KCNMA1: variants seen among roughly 807,000 people sequenced by gnomAD.
KCNMA1 encodes the protein potassium calcium-activated channel subfamily M alpha 1.
KCNMA1 carries 29 observed loss-of-function variants against 140.0 expected under a neutral mutation model. That is an observed-to-expected ratio of 0.21 (90% CI 0.15 to 0.28). The LOEUF is 0.28. Ranked by LOEUF, KCNMA1 falls within the 10% of genes least tolerant of loss-of-function variation. KCNMA1 has a pLI of 1.00. For synonymous variants in KCNMA1, 612 were observed against 611.9 expected (o/e 1.00, Z 0.00); for missense variants, 880 against 1,602.2 (o/e 0.55, Z 7.70).
intron 1 of KCNMA1, among the ~76,000 whole-genome samples, chr10:77,501,288 T>C (rs544056944): frequency 1.1e-4 from 16 of 152,310 alleles, no homozygotes; most frequent in African/African-American, 3.6e-4. Context: ...TGAGCACTCA[T>C]TGATGGCTTG....
intron 1 of KCNMA1, among the ~76,000 whole-genome samples, chr10:77,533,730 C>T (rs2154553419): frequency 6.6e-6 from 1 of 152,290 alleles, no homozygotes; most frequent in Admixed American, 6.5e-5. Flanking sequence ...ATGAACTCCC[C>T]CTGCTTAGGC....
At chr10:77,599,563 A>G (rs924264931) in intron 1 of KCNMA1, among the ~76,000 whole-genome samples, 3 of 152,164 alleles carry the variant, frequency 2.0e-5, no homozygotes, top group South Asian at 2.1e-4. Flanking sequence ...TCTCATGTCT[A>G]TCTATCAGGA....
At chr10:76,923,321 C>T (rs4979877) in intron 23 of KCNMA1, among the ~76,000 whole-genome samples, 5,897 of 151,408 alleles carry the variant, frequency 0.039, 187 homozygotes, top group African/African-American at 0.072. Context: ...CCCAGCTATT[C>T]GGGAGGCTGA....
intron 2 of KCNMA1, among the ~76,000 whole-genome samples, chr10:77,301,694 A>G (rs535436180): frequency 2.0e-5 from 3 of 152,036 alleles, no homozygotes; most frequent in South Asian, 4.2e-4. Context: ...CTGCACTTCA[A>G]TTGACGCCCC....
At chr10:77,503,332 G>A (rs1017887749) in intron 1 of KCNMA1, among the ~76,000 whole-genome samples, 2 of 152,032 alleles carry the variant, frequency 1.3e-5, no homozygotes, top group Non-Finnish European at 2.9e-5. Flanking sequence ...AGCTCTGAGA[G>A]TTAGTTGAAT....
At chr10:77,066,926 T>C (rs940253651) in intron 14 of KCNMA1, among the ~76,000 whole-genome samples, 1 of 152,130 alleles carries the variant, frequency 6.6e-6, no homozygotes, top group Non-Finnish European at 1.5e-5. Flanking sequence ...TTCAGAGCTC[T>C]TGTCAACTCC....
At chr10:77,145,837 T>C (rs2098278385) in intron 5 of KCNMA1, among the ~76,000 whole-genome samples, 1 of 152,146 alleles carries the variant, frequency 6.6e-6, no homozygotes, top group Admixed American at 6.6e-5. Flanking sequence ...AGGATTCAAA[T>C]CCCAGCTCTG....
chr10:77,574,761 A>G (rs2073374016), intron 1 of KCNMA1, among the ~76,000 whole-genome samples: 1 of 152,230 alleles, frequency 6.6e-6, no homozygotes, highest in Non-Finnish European at 1.5e-5. Flanking sequence ...CGTGAGGATC[A>G]CATGAGGTCA....
chr10:76,970,507 C>A (rs1314906923), intron 19 of KCNMA1: 1 of 231,586 alleles, frequency 4.3e-6, no homozygotes, highest in Non-Finnish European at 8.6e-6. Context: ...CAGCCTGCTG[C>A]TTCTCCAGAT....
At chr10:77,397,142 G>A (rs2096082372) in intron 2 of KCNMA1, among the ~76,000 whole-genome samples, 1 of 152,136 alleles carries the variant, frequency 6.6e-6, no homozygotes. Flanking sequence ...GTATGTGTGT[G>A]TGCCTGTATT....
intron 3 of KCNMA1, among the ~76,000 whole-genome samples, chr10:77,201,300 T>G (rs767641698): frequency 3.3e-5 from 5 of 152,232 alleles, no homozygotes; most frequent in Non-Finnish European, 7.3e-5. Context: ...GCGGTCATAT[T>G]TGTTTGGTGG....
intron 1 of KCNMA1, among the ~76,000 whole-genome samples, chr10:77,521,470 T>A (rs2053364101): frequency 6.6e-6 from 1 of 152,186 alleles, no homozygotes; most frequent in Non-Finnish European, 1.5e-5. Flanking sequence ...CAATCCCAGA[T>A]CCGCCAATTA....
chr10:77,048,680 TTTA>T (rs1389066378), intron 14 of KCNMA1, among the ~76,000 whole-genome samples: 23 of 152,308 alleles, frequency 1.5e-4, no homozygotes, highest in African/African-American at 4.6e-4. Context: ...TTTATTTAAT[TTTA>T]TTATTTTACT....
At chr10:77,290,469 G>T (rs1447659895) in intron 2 of KCNMA1, among the ~76,000 whole-genome samples, 1 of 152,192 alleles carries the variant, frequency 6.6e-6, no homozygotes, top group Non-Finnish European at 1.5e-5. Context: ...TCCTTCCCGT[G>T]AGCCAGTGCC....
At chr10:77,625,439 G>A (rs1421306327) in intron 1 of KCNMA1, among the ~76,000 whole-genome samples, 1 of 151,920 alleles carries the variant, frequency 6.6e-6, no homozygotes, top group Non-Finnish European at 1.5e-5. Context: ...TTAAAAATGT[G>A]CATGTTTCAC....
intron 1 of KCNMA1, among the ~76,000 whole-genome samples, chr10:77,433,987 C>T (rs1436948289): frequency 1.3e-5 from 2 of 152,212 alleles, no homozygotes; most frequent in Non-Finnish European, 2.9e-5. Flanking sequence ...ATACAGAATG[C>T]CTCCCATTTA....
intron 2 of KCNMA1, among the ~76,000 whole-genome samples, chr10:77,278,483 C>A (rs1516505): frequency 0.59 from 89,892 of 151,998 alleles, 28,161 homozygotes; most frequent in African/African-American, 0.8. Context: ...TGCATCCCAA[C>A]AGGCAACAAA....
At chr10:76,994,224 A>T (rs2083561163) in intron 19 of KCNMA1, among the ~76,000 whole-genome samples, 1 of 152,232 alleles carries the variant, frequency 6.6e-6, no homozygotes, top group Non-Finnish European at 1.5e-5. Flanking sequence ...GGCACATTGC[A>T]GATGTCTCAG....
At chr10:76,914,588 G>A (rs1259883144) in intron 24 of KCNMA1, 4 of 353,886 alleles carry the variant, frequency 1.1e-5, no homozygotes, top group African/African-American at 8.3e-5. Context: ...GCTCAAAAGA[G>A]GTTCTTACAG....
Sources: allele counts gnomAD v4.1 joint callset (sites outside exome capture counted in the v4.1 genomes callset), GRCh38; gene constraint gnomAD v4.1.1; transcripts MANE v1.5; gene names NCBI Gene and HGNC (gene_info 2026-07-23, HGNC 2026-07-21).